The following AIRE variants were observed in gnomAD, a reference collection of about 807,000 sequenced individuals.
The protein encoded by AIRE is autoimmune polyendocrinopathy candidiasis ectodermal dystrophy protein.
Under a neutral mutation model 62.1 loss-of-function variants are expected in AIRE, and 52 were observed. That is an observed-to-expected ratio of 0.84 (90% CI 0.67 to 1.06). The LOEUF is 1.06. AIRE is among the 50% of genes least tolerant of loss of function. AIRE has a pLI of 0.00. For missense variants in AIRE, 774 were observed against 755.8 expected, an observed-to-expected ratio of 1.02 and a Z score of -0.28; for synonymous variants, 342 against 321.6, an observed-to-expected ratio of 1.06 and a Z score of -0.68.
At chr21:44,293,248 A>G (rs1273583064) in intron 10 of AIRE, 73 bp downstream of exon 10, 1 of 1,420,582 alleles carries the variant, frequency 7.0e-7, no homozygotes, top group Non-Finnish European at 9.3e-7. Flanking sequence ...AATTCACCTG[A>G]AACAGGAGGA....
chr21:44,287,988 A>G lies in AIRE; in HGVS notation c.539-357A>G, dbSNP rs2040500204. On this transcript the variant is annotated intron_variant, in intron 4 of 13. Transcript: ENST00000291582. The surrounding 1 kb of genome is among the most constrained non-coding windows in gnomAD (Gnocchi z 4.3). ...GGGCACTGGACTCCAGAGACCCCCT[A>G]TCTCCCTGAGGGCAGAGCCTAGGAA... Among the ~76,000 whole-genome samples, 1 of 151,834 alleles carries G rather than the reference A, an allele frequency of 6.6e-6. No individual in the cohort carries two copies. Among genetic ancestry groups the G allele is most frequent in the Non-Finnish European group, 1.5e-5 (1 of 67,918 alleles).
At chr21:44,294,875 C>T (rs1379676974) in intron 12 of AIRE, among the ~76,000 whole-genome samples, 1 of 152,096 alleles carries the variant, frequency 6.6e-6, no homozygotes, top group African/African-American at 2.4e-5. Flanking sequence ...TCCAGGTTGT[C>T]TCACCCCCAG....
rs528762050 is a variant in AIRE at position 44,294,481 on chromosome 21, G to A, written c.1481G>A (p.Arg494His). Residue 494 changes from arginine (R) to histidine (H), a missense_variant, in exon 12 of 14, where the codon CGC becomes CAC. Coordinates refer to ENST00000291582, the MANE Select transcript of AIRE (RefSeq NM_000383.4). The part of the protein sequence containing the change: ...VEGVLAPSPA[R>H]LAPGPAKDDT... ...GGGGTGCTGGCCCCCAGCCCCGCCC[G>A]CCTGGCCCCTGGGCCTGCCAAGGTC... The A allele has an allele frequency of 4.0e-5, 62 of 1,532,602 alleles. No homozygotes were observed. The highest frequency in any genetic ancestry group is 1.6e-4 in the Admixed American group (8 of 50,560). The allele number at this position is 1,532,602 out of a possible 1,614,324, so 94.9% of individuals were successfully genotyped here. A position where few individuals can be genotyped will look rare whatever the true frequency, so the allele number is the denominator to read the frequency against.
rs1384220751 is a variant in AIRE, at chr21:44,285,972, C to T, written c.-35C>T. Reference sequence around the variant, plus strand: ...GCTGCCAGTGTCCCGGGACCCACCGCGTCCGCCCCAGCCCCGGGTCCCCGC... The same window carrying T: ...GCTGCCAGTGTCCCGGGACCCACCGTGTCCGCCCCAGCCCCGGGTCCCCGC... On this transcript the variant is annotated 5_prime_UTR_variant, in exon 1 of 14. Transcript: ENST00000291582. 1 of 1,519,432 alleles carries T rather than the reference C, an allele frequency of 6.6e-7. No individual in the cohort carries two copies. Among genetic ancestry groups the T allele is most frequent in the Non-Finnish European group, 8.8e-7 (1 of 1,138,476 alleles). 94.1% of individuals were successfully genotyped at this position (1,519,432 alleles called of 1,614,324 possible).
chr21:44,292,210 T>C, intron 8 of AIRE, 92 bp from the exon 9 acceptor site: 1 of 1,016,186 alleles, frequency 9.8e-7, no homozygotes, highest in South Asian at 1.4e-5. Context: ...TGAAAAGACA[T>C]GGTCGGAGCC....
chr21:44,295,231 T>G (rs1331876310), intron 12 of AIRE, among the ~76,000 whole-genome samples: 1 of 152,184 alleles, frequency 6.6e-6, no homozygotes, highest in Non-Finnish European at 1.5e-5. Context: ...CTTTCCCAGC[T>G]GTGCCTCCGC....
At chr21:44,294,344 C>A in intron 11 of AIRE, 57 bp from the exon 12 acceptor site, 2 of 1,228,194 alleles carry the variant, frequency 1.6e-6, no homozygotes, top group South Asian at 1.3e-5. Flanking sequence ...CCCCATACCC[C>A]GGAGGTGGCA....
chr21:44,288,040 G>A (rs1211021447), intron 4 of AIRE, among the ~76,000 whole-genome samples: 1 of 152,144 alleles, frequency 6.6e-6, no homozygotes. Context: ...GCACAATACA[G>A]GGCCCATGTC....
Position 44,286,478 on chromosome 21 carries a change from C to A in AIRE, c.133-79C>A. The A allele has an allele frequency of 6.8e-7, 1 of 1,469,850 alleles. No homozygotes were observed. Among genetic ancestry groups the A allele is most frequent in the South Asian group, 1.3e-5 (1 of 78,334 alleles). 91.1% of individuals were successfully genotyped at this position (1,469,850 alleles called of 1,614,324 possible). A position where few individuals can be genotyped will look rare whatever the true frequency, so the allele number is the denominator to read the frequency against. ...CCAGCGCCTCTGCCTGGGAGCTCCA[C>A]CCTCTAGTCATGATGGAGATGGGCA... On this transcript the variant is annotated intron_variant, in intron 1 of 13. Coordinates refer to ENST00000291582, the MANE Select transcript of AIRE (RefSeq NM_000383.4). The surrounding 1 kb of genome is among the most constrained non-coding windows in gnomAD (Gnocchi z 6.0).
intron 10 of AIRE, 24 bp downstream of exon 10, chr21:44,293,199 G>A: frequency 6.5e-7 from 1 of 1,532,656 alleles, no homozygotes; most frequent in Non-Finnish European, 8.8e-7. Context: ...GGGGGTCAGG[G>A]TGGGCTCTTC....
At chr21:44,289,139 T>C (rs9974362) in intron 5 of AIRE, 10,724 of 169,086 alleles carry the variant, frequency 0.063, 869 homozygotes, top group East Asian at 0.36. Flanking sequence ...CTGGGAGGCT[T>C]GAAATGACAG....
At chr21:44,294,597 G>A (rs1601970780) in intron 12 of AIRE, 94 bp downstream of exon 12, 1 of 586,016 alleles carries the variant, frequency 1.7e-6, no homozygotes, top group Non-Finnish European at 2.7e-6. Flanking sequence ...GGCAGACCCT[G>A]GGTGCCAGCT....
At chr21:44,292,271 G>T (rs1193460538) in intron 8 of AIRE, 31 bp from the exon 9 acceptor site, 2 of 1,532,124 alleles carry the variant, frequency 1.3e-6, no homozygotes, top group Non-Finnish European at 1.8e-6. Flanking sequence ...GTCTTGTTCT[G>T]CATGTCTCTG....
intron 12 of AIRE, among the ~76,000 whole-genome samples, chr21:44,295,423 G>A (rs1292510934): frequency 2.6e-5 from 4 of 152,188 alleles, no homozygotes; most frequent in Middle Eastern, 3.2e-3. Flanking sequence ...GAACAGTGGC[G>A]TGGCCCACAG....
intron 10 of AIRE, 81 bp from the exon 11 acceptor site, chr21:44,293,708 G>T: frequency 6.3e-7 from 1 of 1,584,602 alleles, no homozygotes; most frequent in Non-Finnish European, 8.5e-7. Context: ...GGTCCCAGGG[G>T]AGAGCGCACA....
rs748448993 is a variant in AIRE, at chr21:44,290,024, G to A, written c.835G>A (p.Val279Ile). ...GEARLGQQGS[V>I]PAPLALPSDP... ...GGCTAGGCTGGGCCAGCAGGGCAGC[G>A]TTCCCGCCCCTCTGGCCCTCCCCAG... Residue 279 changes from valine (V) to isoleucine (I), a missense_variant, in exon 7 of 14, where the codon GTT (valine) becomes ATT (isoleucine). Coordinates refer to ENST00000291582, the MANE Select transcript of AIRE (RefSeq NM_000383.4). The A allele has an allele frequency of 1.1e-5, 17 of 1,610,970 alleles. No individual in the cohort carries two copies. The highest frequency in any genetic ancestry group is 1.4e-5 in the Non-Finnish European group (16 of 1,179,494).
chr21:44,293,150 T>C lies in AIRE; in HGVS notation c.1253T>C (p.Leu418Pro), dbSNP rs746833159. 2 of 1,577,088 alleles carry C rather than the reference T, an allele frequency of 1.3e-6. No individual in the cohort carries two copies. Among genetic ancestry groups the C allele is most frequent in the South Asian group, 2.3e-5 (2 of 86,962 alleles). ...GACTCCTCGGCCCTGCACCCCCTACTGTGTGTGGGTCCTGAGGGTCAGCAG... is the reference window on the plus strand; with the variant it reads ...GACTCCTCGGCCCTGCACCCCCTACCGTGTGTGGGTCCTGAGGGTCAGCAG... ...GLDSSALHPL[L>P]CVGPEGQQNL... The change falls in exon 10 of 14, where the codon CTG (leucine) becomes CCG (proline). Residue 418 changes from leucine to proline, a missense_variant. By Grantham distance (98) the Leu-to-Pro change is moderately conservative (BLOSUM62 -3). This residue lies in a region of AIRE where 354 missense variants were observed against 296.1 expected (regional missense o/e 1.20). Transcript: ENST00000291582.
In AIRE at chr21:44,286,587, T is replaced by G; in HGVS notation, c.163T>G (p.Cys55Gly). The G allele has an allele frequency of 2.5e-6, 4 of 1,612,386 alleles. No homozygotes were observed. Among genetic ancestry groups the G allele is most frequent in the Non-Finnish European group, 3.4e-6 (4 of 1,179,608 alleles). ...GCTTCATCTGAAGGAAAAGGAGGGCTGCCCCCAGGCCTTCCACGCCCTCCT... is the reference window on the plus strand; with the variant it reads ...GCTTCATCTGAAGGAAAAGGAGGGCGGCCCCCAGGCCTTCCACGCCCTCCT... ...ETLHLKEKEG[C>G]PQAFHALLSW... Residue 55 changes from cysteine to glycine, a missense_variant, in exon 2 of 14, where the codon TGC (cysteine) becomes GGC (glycine). Cys to Gly is a radical substitution (Grantham distance 159, BLOSUM62 -3). This residue lies in a region of AIRE where 385 missense variants were observed against 396.0 expected (regional missense o/e 0.97). Transcript: ENST00000291582. This position sits in a 1 kb window ranked among gnomAD's most constrained non-coding sequence, Gnocchi z 6.0.
In AIRE at chr21:44,287,496, GC is replaced by G. The variant is rs1277099786; in HGVS notation, c.464-16del. 4 of 1,542,992 alleles carry G rather than the reference GC, an allele frequency of 2.6e-6. No homozygotes were observed. In the Admixed American group the frequency reaches 5.9e-5, roughly 23 times the overall value. On this transcript the variant is annotated intron_variant, in intron 3 of 13. Transcript: ENST00000291582. This position sits in a 1 kb window ranked among gnomAD's most constrained non-coding sequence, Gnocchi z 4.3. ...CCCCACTGAGAGGGGAGGCCAGGCT[GC>G]CCCCAGCTCCCCCATTCAGGCTCTC...
Sources: allele counts gnomAD v4.1 joint callset (sites outside exome capture counted in the v4.1 genomes callset), GRCh38; gene constraint gnomAD v4.1.1; regional missense constraint gnomAD v4.1.1; non-coding constraint Gnocchi (gnomAD v3.1); transcripts MANE v1.5; gene names NCBI Gene and HGNC (gene_info 2026-07-23, HGNC 2026-07-21).